The following SLC27A6 variants were observed in gnomAD, a reference collection of about 807,000 sequenced individuals.
The protein encoded by SLC27A6 is solute carrier family 27 member 6, also known as long-chain fatty acid transport protein 6.
A neutral mutation model predicts 63.9 loss-of-function variants in SLC27A6; 74 were observed. That is an observed-to-expected ratio of 1.16 (90% confidence interval 0.96 to 1.40). The LOEUF is 1.40. SLC27A6 is among the 40% of genes most tolerant of loss of function. The pLI, the probability that SLC27A6 is intolerant of heterozygous loss-of-function variation, is 0.00. For missense variants in SLC27A6, 794 were observed against 732.9 expected, an observed-to-expected ratio of 1.08 and a Z score of -0.96; for synonymous variants, 287 against 260.8, an observed-to-expected ratio of 1.10 and a Z score of -0.97.
At chr5:128,994,561 G>A (rs776257534) in intron 4 of SLC27A6, among the ~76,000 whole-genome samples, 3 of 152,184 alleles carry the variant, frequency 2.0e-5, no homozygotes, top group Non-Finnish European at 2.9e-5. Flanking sequence ...GTGGATTCAG[G>A]TAGAGCCAGA....
chr5:128,994,717 A>G (rs567121303), intron 4 of SLC27A6, among the ~76,000 whole-genome samples: 1 of 152,322 alleles, frequency 6.6e-6, no homozygotes, highest in Admixed American at 6.5e-5. Flanking sequence ...TTTGTTGACA[A>G]TCTCAGGGTA....
At chr5:128,986,831 C>A (rs1037216999) in intron 2 of SLC27A6, among the ~76,000 whole-genome samples, 1 of 152,088 alleles carries the variant, frequency 6.6e-6, no homozygotes, top group African/African-American at 2.4e-5. Context: ...GTGGCAGACA[C>A]CGCAGACCCA....
At chr5:129,006,850 A>C (rs1344854087) in intron 4 of SLC27A6, among the ~76,000 whole-genome samples, 3 of 152,170 alleles carry the variant, frequency 2.0e-5, no homozygotes. Context: ...CAGCTTAAAG[A>C]TGTTTGTAAA....
At chr5:129,011,992 T>C (rs1362040357) in intron 4 of SLC27A6, among the ~76,000 whole-genome samples, 1 of 151,998 alleles carries the variant, frequency 6.6e-6, no homozygotes, top group Non-Finnish European at 1.5e-5. Flanking sequence ...TATATATGGT[T>C]ACATAAATAT....
intron 4 of SLC27A6, among the ~76,000 whole-genome samples, chr5:129,007,586 GAAATT>G (rs1045043553): frequency 2.0e-5 from 3 of 150,924 alleles, no homozygotes; most frequent in African/African-American, 4.9e-5. Context: ...AAAATAAAAA[GAAATT>G]AAACACAATA....
At chr5:128,980,678 A>C (rs921810926) in intron 1 of SLC27A6, among the ~76,000 whole-genome samples, 8 of 152,156 alleles carry the variant, frequency 5.3e-5, no homozygotes, top group African/African-American at 1.9e-4. Flanking sequence ...CTCTAATTTC[A>C]CTTTGAATTC....
chr5:128,967,579 G>T (rs1749954502), intron 1 of SLC27A6, among the ~76,000 whole-genome samples: 1 of 152,058 alleles, frequency 6.6e-6, no homozygotes, highest in South Asian at 2.1e-4. Flanking sequence ...ATACCCTGGT[G>T]ATCTCTAAGG....
intron 4 of SLC27A6, among the ~76,000 whole-genome samples, chr5:129,012,811 C>A (rs1275726201): frequency 6.6e-6 from 1 of 151,902 alleles, no homozygotes; most frequent in Non-Finnish European, 1.5e-5. Context: ...CAACTACTTT[C>A]AATTTTGGGC....
Position 128,990,408 on chromosome 5 carries a change from G to A in SLC27A6, c.913G>A (p.Val305Met), listed in dbSNP as rs966594277. 6.2e-7 allele frequency: 1 copy of A among 1,613,962 alleles called. No homozygotes were observed. The highest frequency in any genetic ancestry group is 8.5e-7 in the Non-Finnish European group (1 of 1,179,894). ...TTGGAGTGACTGCAAGAAGTATGAT[G>A]TGACTGTGTTTCAGTATATTGGAGA... ...QFWSDCKKYD[V>M]TVFQYIGELC... Residue 305 changes from valine to methionine, a missense_variant, in exon 4 of 10, where the codon GTG (valine) becomes ATG (methionine). Transcript: ENST00000262462.
At chr5:128,985,681 G>C (rs947095389) in intron 2 of SLC27A6, among the ~76,000 whole-genome samples, 2 of 152,100 alleles carry the variant, frequency 1.3e-5, no homozygotes, top group Non-Finnish European at 2.9e-5. Context: ...ATCTTTGTTA[G>C]CTTCTCTGAT....
chr5:129,028,358 A>T lies in SLC27A6; in HGVS notation c.1468A>T (p.Asn490Tyr), dbSNP rs755308173. Residue 490 changes from asparagine (N) to tyrosine (Y), a missense_variant, in exon 8 of 10, where the codon AAT becomes TAT. Coordinates refer to ENST00000262462, the MANE Select transcript of SLC27A6 (RefSeq NM_001017372.3). ...TTTTTCATTTAGATGGAAAGGAGAA[A>T]ATGTCGCAACCACTGAGGTTGCTGA... ...TGDTFRWKGENVATTEVADVI... is the reference protein window; with the variant it reads ...TGDTFRWKGEYVATTEVADVI... The T allele has an allele frequency of 6.2e-6, 10 of 1,608,878 alleles. No homozygotes were observed. The highest frequency in any genetic ancestry group is 7.7e-6 in the Non-Finnish European group (9 of 1,176,050).
chr5:128,980,006 G>A (rs1750529054), intron 1 of SLC27A6, among the ~76,000 whole-genome samples: 1 of 152,170 alleles, frequency 6.6e-6, no homozygotes, highest in African/African-American at 2.4e-5. Context: ...GAAGAGGAAG[G>A]GCATGGTCTG....
chr5:128,993,925 T>C (rs959618068), intron 4 of SLC27A6, among the ~76,000 whole-genome samples: 1 of 152,118 alleles, frequency 6.6e-6, no homozygotes, highest in Non-Finnish European at 1.5e-5. Context: ...CTGATCAATA[T>C]GGGGAAACCA....
chr5:129,005,072 C>T (rs1751475747), intron 4 of SLC27A6, among the ~76,000 whole-genome samples: 2 of 152,294 alleles, frequency 1.3e-5, no homozygotes, highest in South Asian at 4.1e-4. Context: ...TCATCTTTCT[C>T]TCCTTGATGC....
chr5:129,003,967 C>CAAAAAAAAAAAAAAAAAA (rs779667758), intron 4 of SLC27A6, among the ~76,000 whole-genome samples: 1 of 69,426 alleles, frequency 1.4e-5, no homozygotes, highest in Non-Finnish European at 2.8e-5. Flanking sequence ...GACCCTGTCT[C>CAAAAAAAAAAAAAAAAAA]AAAAAAAAAA....
At chr5:128,976,720 A>G (rs1169653127) in intron 1 of SLC27A6, among the ~76,000 whole-genome samples, 1 of 152,208 alleles carries the variant, frequency 6.6e-6, no homozygotes, top group African/African-American at 2.4e-5. Flanking sequence ...TAACAGTGCA[A>G]GGCTGCATGC....
chr5:128,990,608 C>G, intron 4 of SLC27A6, 144 bp downstream of exon 4: 1 of 848,660 alleles, frequency 1.2e-6, no homozygotes, highest in Non-Finnish European at 1.8e-6. Flanking sequence ...GTGGCAGGTG[C>G]TACCTAGATG....
chr5:129,024,052 A>G (rs1752161033), intron 6 of SLC27A6, among the ~76,000 whole-genome samples: 1 of 152,094 alleles, frequency 6.6e-6, no homozygotes, highest in African/African-American at 2.4e-5. Context: ...CAGATGTGAA[A>G]CCATGGATAT....
chr5:129,002,781 T>C (rs1751386371), intron 4 of SLC27A6, among the ~76,000 whole-genome samples: 1 of 152,214 alleles, frequency 6.6e-6, no homozygotes, highest in South Asian at 2.1e-4. Context: ...AAAATGAGAA[T>C]AATTCTTCTT....
Sources: gnomAD v4.1 joint callset for allele counts (sites outside exome capture counted in the v4.1 genomes callset) on GRCh38, gnomAD v4.1.1 for gene constraint, MANE v1.5 for transcripts, NCBI Gene and HGNC (gene_info 2026-07-23, HGNC 2026-07-21) for gene names.